Variants in SEMA7A observed in about 807,000 individuals in gnomAD.
The protein encoded by SEMA7A is semaphorin 7A (JohnMiltonHagen blood group).
Under a neutral mutation model 67.5 loss-of-function variants are expected in SEMA7A, and 21 were observed. That is an observed-to-expected ratio of 0.31 (90% CI 0.22 to 0.45). SEMA7A has a LOEUF of 0.45. Ranked by LOEUF, SEMA7A falls within the 20% of genes least tolerant of loss-of-function variation. The pLI is 1.00. For synonymous variants in SEMA7A, 364 were observed against 368.5 expected, an observed-to-expected ratio of 0.99 and a Z score of 0.14; for missense variants, 774 against 908.6, an observed-to-expected ratio of 0.85 and a Z score of 1.90.
chr15:74,409,947 C>CA lies in SEMA7A; in HGVS notation c.*676_*677insT, dbSNP rs1376870804. 1.4e-5 allele frequency: 2 copies of CA among 140,068 alleles called. No homozygotes were observed. Among genetic ancestry groups the CA allele is most frequent in the African/African-American group, 5.1e-5 (2 of 39,096 alleles). The allele number at this position is 140,068 out of a possible 1,614,324, so 8.7% of individuals were successfully genotyped here. The stretch of plus-strand genomic sequence containing the variant: ...CCCAGCCCCTCCCTTTCCCACCCAC[C>CA]CCCCCGCATGTAGTTTTGGTATTTT... On this transcript the variant is annotated 3_prime_UTR_variant, in exon 14 of 14. Transcript: ENST00000261918.
In SEMA7A at chr15:74,410,913, C is replaced by T. The variant is rs1398609267; in HGVS notation, c.1712G>A (p.Arg571His). The T allele has an allele frequency of 2.5e-6, 4 of 1,614,088 alleles. No individual in the cohort carries two copies. Among genetic ancestry groups the T allele is most frequent in the East Asian group, 2.2e-5 (1 of 44,888 alleles). Residue 571 changes from arginine to histidine, a missense_variant, in exon 14 of 14, where the codon CGC becomes CAC. Physicochemically the swap from Arg to His is conservative, Grantham distance 29. Around this residue, in one of 2 missense-constraint regions of SEMA7A, gnomAD observed 427 missense variants for 555.4 expected, o/e 0.77. Coordinates refer to ENST00000261918, the MANE Select transcript of SEMA7A (RefSeq NM_003612.5). The surrounding 1 kb of genome is among the most constrained non-coding windows in gnomAD (Gnocchi z 7.5). ...GTGGCGCCATGAGTAGGTGGCGTGG[C>T]GGGATTCCATGGGGCAGCTCAGGTA... ...RYYLSCPMES[R>H]HATYSWRHKE...
At chr15:74,430,712 C>T (rs908092911) in intron 1 of SEMA7A, among the ~76,000 whole-genome samples, 6 of 152,234 alleles carry the variant, frequency 3.9e-5, no homozygotes, top group African/African-American at 1.4e-4. Context: ...CACCATGAGA[C>T]TCTGTGGAGG....
chr15:74,428,873 A>C (rs559331327), intron 1 of SEMA7A, among the ~76,000 whole-genome samples: 1 of 152,354 alleles, frequency 6.6e-6, no homozygotes, highest in African/African-American at 2.4e-5. Context: ...ACAGTCCCTC[A>C]AGGCCTGGCT....
intron 2 of SEMA7A, 123 bp from the exon 3 acceptor site, chr15:74,418,432 C>T: frequency 3.2e-6 from 3 of 928,234 alleles, no homozygotes; most frequent in Non-Finnish European, 5.0e-6. Context: ...GACAGATGAG[C>T]AACTGGGGCT....
intron 8 of SEMA7A, among the ~76,000 whole-genome samples, chr15:74,415,542 G>C (rs1180999726): frequency 2.0e-5 from 3 of 152,050 alleles, no homozygotes; most frequent in Non-Finnish European, 2.9e-5. Flanking sequence ...GCAGGTGGTG[G>C]GACACACAGG....
At chr15:74,415,744 G>T (rs1451708315) in intron 8 of SEMA7A, 57 bp downstream of exon 8, 2 of 1,523,600 alleles carry the variant, frequency 1.3e-6, no homozygotes, top group Non-Finnish European at 1.8e-6. Flanking sequence ...AAGGCCTCCT[G>T]TCCCTACTGG....
In SEMA7A at chr15:74,414,962, G is replaced by C. The variant is rs1567071734; in HGVS notation, c.987-16C>G. 3 of 1,608,504 alleles carry C rather than the reference G, an allele frequency of 1.9e-6. No individual in the cohort carries two copies. The highest frequency in any genetic ancestry group is 1.7e-5 in the Admixed American group (1 of 59,892). On this transcript the variant is annotated splice_polypyrimidine_tract_variant and intron_variant, in intron 8 of 13. Coordinates refer to ENST00000261918, the MANE Select transcript of SEMA7A (RefSeq NM_003612.5). The surrounding 1 kb of genome is among the most constrained non-coding windows in gnomAD (Gnocchi z 4.1). ...TGAGTAGTTCCTGCAGTGACATGGA[G>C]ACCAGCTCAATGGGGGGCCCAGAAC...
chr15:74,433,891 C>T lies in SEMA7A; in HGVS notation c.28G>A (p.Ala10Thr). MTPPPPGRA[A>T]PSAPRARVPG... ...ACGCGGGCGCGCGGTGCGCTGGGGG[C>T]GGCACGTCCGGGCGGAGGAGGCGTC... Residue 10 changes from alanine (A) to threonine (T), a missense_variant, in exon 1 of 14, where the codon GCC becomes ACC. Ala to Thr is a moderately conservative substitution (Grantham distance 58). Transcript: ENST00000261918. 7.9e-7 allele frequency: 1 copy of T among 1,264,456 alleles called. No individual in the cohort carries two copies. Among genetic ancestry groups the T allele is most frequent in the Non-Finnish European group, 9.9e-7 (1 of 1,009,946 alleles). 78.3% of individuals were successfully genotyped at this position (1,264,456 alleles called of 1,614,324 possible). A position where few individuals can be genotyped will look rare whatever the true frequency, so the allele number is the denominator to read the frequency against.
chr15:74,418,246 C>T (rs1352120987), intron 3 of SEMA7A, 22 bp downstream of exon 3: 1 of 1,612,212 alleles, frequency 6.2e-7, no homozygotes, highest in South Asian at 1.1e-5. Context: ...TCAGACCCCT[C>T]CATACCCCCT....
chr15:74,424,710 G>A (rs576522617), intron 1 of SEMA7A, among the ~76,000 whole-genome samples: 10 of 152,208 alleles, frequency 6.6e-5, no homozygotes, highest in Admixed American at 2.0e-4. Flanking sequence ...GCAGGATTCA[G>A]GGACTCAGGG....
At chr15:74,418,744 AG>A in intron 2 of SEMA7A, 56 bp downstream of exon 2, 1 of 1,572,602 alleles carries the variant, frequency 6.4e-7, no homozygotes, top group South Asian at 1.1e-5. Flanking sequence ...GACCCTTGGC[AG>A]GGCCAGAGGG....
rs370941487 is a variant in SEMA7A, at chr15:74,411,573, G to A, written c.1560C>T (p.Ser520=). 18 of 1,577,570 alleles carry A rather than the reference G, an allele frequency of 1.1e-5. No individual in the cohort carries two copies. The highest frequency in any genetic ancestry group is 1.5e-5 in the Non-Finnish European group (17 of 1,160,586). The change falls in exon 12 of 14, where the codon TCC becomes TCT. Residue 520 remains serine (S), a synonymous_variant. Transcript: ENST00000261918. This position sits in a 1 kb window ranked among gnomAD's most constrained non-coding sequence, Gnocchi z 4.4. ...CAACGTACCGTTCGGAGCTGTAGAT[G>A]GAGATGCAGCGGCCTTGGTCCCAGC... ...YCGWDQGRCI[S]IYSSERSVLQ...
At position 74,418,776 on chromosome 15, in the gene SEMA7A, G is replaced by C. The variant is rs566695560; in HGVS notation, c.330+25C>G. On this transcript the variant is annotated intron_variant, in intron 2 of 13. Transcript: ENST00000261918. ...GAGGGGAGATAAGAGGGTAGGGGGG[G>C]TGTTGGGGGAAGAGAGAGGCTCACC... 4.1e-5 allele frequency: 66 copies of C among 1,610,100 alleles called. No individual in the cohort carries two copies. In the East Asian group the frequency reaches 7.6e-4, roughly 18 times the overall value.
At chr15:74,426,180 C>CAGA (rs1210439531) in intron 1 of SEMA7A, among the ~76,000 whole-genome samples, 1 of 152,192 alleles carries the variant, frequency 6.6e-6, no homozygotes, top group Admixed American at 6.5e-5. Flanking sequence ...GAGGCTGAGA[C>CAGA]AGAAGAATCG....
At position 74,414,889 on chromosome 15, in the gene SEMA7A, G is replaced by A. The variant is rs139870584; in HGVS notation, c.1044C>T (p.Thr348=). 2,743 of 1,614,168 alleles carry A rather than the reference G, an allele frequency of 1.7e-3. 4 individuals carry two copies. The highest frequency in any genetic ancestry group is 2.1e-3 in the Admixed American group (126 of 60,022). Residue 348 remains threonine (T), a synonymous_variant, in exon 9 of 14, where the codon ACC becomes ACT. Coordinates refer to ENST00000261918, the MANE Select transcript of SEMA7A (RefSeq NM_003612.5). This position sits in a 1 kb window ranked among gnomAD's most constrained non-coding sequence, Gnocchi z 4.1. ...SLGDIDKVFR[T]SSLKGYHSSL... ...TTGAGTGGTAGCCCTTGAGTGAGGA[G>A]GTACGGAAGACCTTGTCAATGTCAC...
In SEMA7A at chr15:74,411,492, G is replaced by A. The variant is rs760955308; in HGVS notation, c.1577+64C>T. 3.5e-5 allele frequency: 54 copies of A among 1,543,096 alleles called. No individual in the cohort carries two copies. Among genetic ancestry groups the A allele is most frequent in the Non-Finnish European group, 4.1e-5 (47 of 1,143,800 alleles). On this transcript the variant is annotated intron_variant, in intron 12 of 13. Transcript: ENST00000261918. This position sits in a 1 kb window ranked among gnomAD's most constrained non-coding sequence, Gnocchi z 4.4. ...CCAGTACCGCCACCTCCTCCAGCCC[G>A]ACAACACCTCCCCCTCTCCCATGCC...
Position 74,410,591 on chromosome 15 carries a change from A to C in SEMA7A, c.*33T>G. ...GAGACGTTCTAGTGCCCTGGGCTGC[A>C]GAAGCCTGAGGCATGCCCAGCCTCG... is the stretch of plus-strand genomic sequence containing the variant. On this transcript the variant is annotated 3_prime_UTR_variant, in exon 14 of 14. Transcript: ENST00000261918. This position sits in a 1 kb window ranked among gnomAD's most constrained non-coding sequence, Gnocchi z 7.5. 6.5e-7 allele frequency: 1 copy of C among 1,547,368 alleles called. No individual in the cohort carries two copies. Among genetic ancestry groups the C allele is most frequent in the Non-Finnish European group, 8.7e-7 (1 of 1,145,480 alleles).
intron 1 of SEMA7A, among the ~76,000 whole-genome samples, chr15:74,426,244 C>G (rs553368161): frequency 2.6e-5 from 4 of 152,294 alleles, no homozygotes; most frequent in African/African-American, 9.6e-5. Context: ...CACTGCACTC[C>G]AGCCTGGGTG....
rs1250611679 is a variant in SEMA7A, at chr15:74,423,064, A to T, written c.179-4112T>A. Among the ~76,000 whole-genome samples, 1 of 152,256 alleles carries T rather than the reference A, an allele frequency of 6.6e-6. No individual in the cohort carries two copies. The highest frequency in any genetic ancestry group is 2.1e-4 in the South Asian group (1 of 4,832). On this transcript the variant is annotated intron_variant, in intron 1 of 13. Transcript: ENST00000261918. The surrounding 1 kb of genome is among the most constrained non-coding windows in gnomAD (Gnocchi z 4.1). ...GCCTTTTGAAAGTGGGCAGAGAGTC[A>T]GGCTCTGAAAATGGCAGGAATGTGG...
Sources: gnomAD v4.1 joint callset for allele counts (sites outside exome capture counted in the v4.1 genomes callset) on GRCh38, gnomAD v4.1.1 for gene constraint, gnomAD v4.1.1 regional missense constraint, Gnocchi (gnomAD v3.1) non-coding constraint, MANE v1.5 for transcripts, NCBI Gene and HGNC (gene_info 2026-07-23, HGNC 2026-07-21) for gene names.